Variants in CFAP36 observed in about 807,000 individuals in gnomAD.
CFAP36 encodes cilia- and flagella-associated protein 36.
CFAP36 carries 37 observed loss-of-function variants against 50.5 expected under a neutral mutation model. The observed-to-expected ratio is 0.73, with a 90% CI of 0.56 to 0.96. CFAP36 has a LOEUF of 0.96. Ranked by LOEUF, CFAP36 falls within the 50% of genes least tolerant of loss-of-function variation. The probability of loss-of-function intolerance (pLI) is 0.00; values close to 1 mark genes in which losing one functional copy is unlikely to be tolerated. For synonymous variants in CFAP36, 138 were observed against 128.2 expected, an observed-to-expected ratio of 1.08 and a Z score of -0.52; for missense variants, 407 against 396.2, an observed-to-expected ratio of 1.03 and a Z score of -0.23.
chr2:55,539,653 A>G (rs960209350), intron 7 of CFAP36: 1 of 152,234 alleles, frequency 6.6e-6, no homozygotes, highest in Non-Finnish European at 1.5e-5. Context: ...CATGATTGTT[A>G]TATCTTACAG....
In CFAP36 at chr2:55,544,056, C is replaced by A; in HGVS notation, c.759C>A (p.Ser253Arg). 6.2e-7 allele frequency: 1 copy of A among 1,613,890 alleles called. No individual in the cohort carries two copies. The highest frequency in any genetic ancestry group is 8.5e-7 in the Non-Finnish European group (1 of 1,179,932). ...DLKIPGLEHASIEGPIANLSV... is the reference protein window; with the variant it reads ...DLKIPGLEHARIEGPIANLSV... The stretch of plus-strand genomic sequence containing the variant: ...AGATTCCTGGCTTAGAGCATGCGAG[C>A]ATTGAAGGACCAATAGCAGTAAGTA... The change falls in exon 8 of 10, where the codon AGC becomes AGA. Residue 253 changes from serine (S) to arginine (R), a missense_variant. Transcript: ENST00000349456.
At chr2:55,533,334 AAG>A (rs1321423082) in intron 4 of CFAP36, among the ~76,000 whole-genome samples, 1 of 152,220 alleles carries the variant, frequency 6.6e-6, no homozygotes, top group Non-Finnish European at 1.5e-5. Flanking sequence ...AATAATTACT[AAG>A]AGATATTTGT....
chr2:55,528,810 T>A, intron 3 of CFAP36, 68 bp from the exon 4 acceptor site: 1 of 852,484 alleles, frequency 1.2e-6, no homozygotes, highest in Non-Finnish European at 1.9e-6. Flanking sequence ...GCAGTAGAAA[T>A]GGTTCGAATG....
rs1323936072 is a variant in CFAP36, at chr2:55,519,772, G to C, written c.-30G>C. On this transcript the variant is annotated 5_prime_UTR_variant, in exon 1 of 10. Coordinates refer to ENST00000349456, the MANE Select transcript of CFAP36 (RefSeq NM_080667.7). ...ACCGGGGTCCGGCGGTCTGGCCTAGGGATCTTCCCCGTTGCCCCTTTGGGG... is the reference window on the plus strand; with the variant it reads ...ACCGGGGTCCGGCGGTCTGGCCTAGCGATCTTCCCCGTTGCCCCTTTGGGG... 1 of 1,611,842 alleles carries C rather than the reference G, an allele frequency of 6.2e-7. No homozygotes were observed. The highest frequency in any genetic ancestry group is 2.2e-5 in the East Asian group (1 of 44,872).
At chr2:55,520,498 G>A (rs2103627205) in intron 1 of CFAP36, 2 of 1,526,420 alleles carry the variant, frequency 1.3e-6, no homozygotes, top group African/African-American at 1.4e-5. Flanking sequence ...TCTACTCTTC[G>A]CTATACCAAA....
chr2:55,521,363 T>C (rs1684057179), intron 1 of CFAP36, among the ~76,000 whole-genome samples: 1 of 152,074 alleles, frequency 6.6e-6, no homozygotes, highest in Admixed American at 6.6e-5. Flanking sequence ...GTAACAAAAA[T>C]TGCCTGGTCA....
intron 4 of CFAP36, among the ~76,000 whole-genome samples, chr2:55,533,515 C>T (rs1045149229): frequency 1.3e-4 from 19 of 151,658 alleles, no homozygotes; most frequent in African/African-American, 3.4e-4. Context: ...ACCAGCCTGC[C>T]GACATGGTGA....
chr2:55,529,907 A>G (rs1220449989), intron 4 of CFAP36, among the ~76,000 whole-genome samples: 1 of 151,982 alleles, frequency 6.6e-6, no homozygotes, highest in Admixed American at 6.6e-5. Context: ...TGGCCTCCCA[A>G]CGTGGCCGGA....
chr2:55,526,139 A>T (rs1220428759), intron 3 of CFAP36, among the ~76,000 whole-genome samples: 1 of 152,246 alleles, frequency 6.6e-6, no homozygotes, highest in African/African-American at 2.4e-5. Flanking sequence ...AACTAGGCCA[A>T]TTGTAAATTG....
At chr2:55,521,593 A>ATG (rs72277001) in intron 1 of CFAP36, among the ~76,000 whole-genome samples, 15,688 of 147,430 alleles carry the variant, frequency 0.11, 986 homozygotes, top group East Asian at 0.27. Flanking sequence ...TTAATAGTAT[A>ATG]TATGTGTGTG....
At chr2:55,522,352 T>C (rs567725146) in intron 2 of CFAP36, among the ~76,000 whole-genome samples, 186 bp downstream of exon 2, 1 of 152,374 alleles carries the variant, frequency 6.6e-6, no homozygotes, top group South Asian at 2.1e-4. Flanking sequence ...GGATGACTTA[T>C]CTCCTCTACT....
chr2:55,525,206 C>T (rs1487401023), intron 3 of CFAP36, among the ~76,000 whole-genome samples: 1 of 152,112 alleles, frequency 6.6e-6, no homozygotes, highest in East Asian at 1.9e-4. Context: ...AATCCCAGCA[C>T]TTTGGGAGAC....
intron 4 of CFAP36, among the ~76,000 whole-genome samples, chr2:55,532,173 G>T (rs1002923740): frequency 2.0e-5 from 3 of 151,338 alleles, no homozygotes; most frequent in African/African-American, 7.3e-5. Context: ...CTGCGTGCCA[G>T]CCTGGGCAAC....
rs754366142 is a variant in CFAP36 at position 55,519,844 on chromosome 2, A to G, written c.43A>G (p.Ser15Gly). The change falls in exon 1 of 10, where the codon AGC (serine) becomes GGC (glycine). Residue 15 changes from serine to glycine, a missense_variant. Coordinates refer to ENST00000349456, the MANE Select transcript of CFAP36 (RefSeq NM_080667.7). ...AGACGAGGTGGAGTGGGTAGTGGAGAGCATCGCGGGGTTCCTGCGAGGCCC... is the reference window on the plus strand; with the variant it reads ...AGACGAGGTGGAGTGGGTAGTGGAGGGCATCGCGGGGTTCCTGCGAGGCCC... ...EEDEVEWVVESIAGFLRGPDW... is the reference protein window; with the variant it reads ...EEDEVEWVVEGIAGFLRGPDW... 2 of 1,614,202 alleles carry G rather than the reference A, an allele frequency of 1.2e-6. No individual in the cohort carries two copies. The highest frequency in any genetic ancestry group is 1.3e-5 in the African/African-American group (1 of 75,046).
At chr2:55,528,691 C>T (rs1322341139) in intron 3 of CFAP36, among the ~76,000 whole-genome samples, 187 bp from the exon 4 acceptor site, 5 of 152,062 alleles carry the variant, frequency 3.3e-5, no homozygotes, top group East Asian at 3.9e-4. Flanking sequence ...CCACCGTGCC[C>T]GGCTGAGAAC....
chr2:55,535,698 T>G lies in CFAP36; in HGVS notation c.486-14T>G, dbSNP rs757796957. On this transcript the variant is annotated splice_polypyrimidine_tract_variant and intron_variant, in intron 5 of 9. Transcript: ENST00000349456. ...AGGAAATTTATCTTTTTATCTTATT[T>G]TTGTATATTTCAGAAAATCAAAAGA... 6.6e-7 allele frequency: 1 copy of G among 1,515,546 alleles called. No homozygotes were observed. Among genetic ancestry groups the G allele is most frequent in the Admixed American group, 2.6e-5 (1 of 37,962 alleles). The allele number at this position is 1,515,546 out of a possible 1,614,324, so 93.9% of individuals were successfully genotyped here. A position where few individuals can be genotyped will look rare whatever the true frequency, so the allele number is the denominator to read the frequency against.
chr2:55,542,615 A>G (rs902189579), intron 7 of CFAP36, among the ~76,000 whole-genome samples: 1 of 152,232 alleles, frequency 6.6e-6, no homozygotes, highest in African/African-American at 2.4e-5. Flanking sequence ...TTTCCTTTCT[A>G]GGCCTGAGAA....
intron 4 of CFAP36, among the ~76,000 whole-genome samples, chr2:55,533,299 C>G (rs1684398927): frequency 6.6e-6 from 1 of 152,092 alleles, no homozygotes; most frequent in Admixed American, 6.5e-5. Flanking sequence ...TGTTGCCATA[C>G]ATTGTTATTT....
In CFAP36 at chr2:55,536,773, C is replaced by T. The variant is rs72803519; in HGVS notation, c.538-710C>T. On this transcript the variant is annotated intron_variant, in intron 6 of 9. Coordinates refer to ENST00000349456, the MANE Select transcript of CFAP36 (RefSeq NM_080667.7). ...ATATACTTTTTTTTTGAGACTGAGT[C>T]TTGTTGTATTGCCCAGGCTAGAGTG... is the stretch of plus-strand genomic sequence containing the variant. Among the ~76,000 whole-genome samples, 244 of 151,356 alleles carry T rather than the reference C, an allele frequency of 1.6e-3. 2 individuals are homozygous for T. The Middle Eastern group carries it at 0.024, about 15-fold the overall frequency.
Sources: gnomAD v4.1 joint callset for allele counts (sites outside exome capture counted in the v4.1 genomes callset) on GRCh38, gnomAD v4.1.1 for gene constraint, MANE v1.5 for transcripts, NCBI Gene and HGNC (gene_info 2026-07-23, HGNC 2026-07-21) for gene names.